Variants in TMC3 observed in about 807,000 individuals in gnomAD.
The protein encoded by TMC3 is transmembrane channel-like protein 3.
A neutral mutation model predicts 110.6 loss-of-function variants in TMC3; 98 were observed. That is an observed-to-expected ratio of 0.89 (90% CI 0.75 to 1.05). The LOEUF (loss-of-function observed/expected upper bound fraction) is 1.05. TMC3 is among the 50% of genes least tolerant of loss of function. The probability of loss-of-function intolerance (pLI) is 0.00; values close to 1 mark genes in which losing one functional copy is unlikely to be tolerated. For synonymous variants in TMC3, 489 were observed against 513.1 expected (o/e 0.95, Z 0.63); for missense variants, 1,319 against 1,373.2 (o/e 0.96, Z 0.62).
intron 9 of TMC3, among the ~76,000 whole-genome samples, chr15:81,354,925 A>G (rs1894027250): frequency 6.6e-6 from 1 of 152,086 alleles, no homozygotes; most frequent in Non-Finnish European, 1.5e-5. Flanking sequence ...AGATGGCAGA[A>G]TCCCATACTT....
In TMC3 at chr15:81,349,852, AC is replaced by A. The variant is rs1221775473; in HGVS notation, c.1084-286del. Among the ~76,000 whole-genome samples, 9 of 143,890 alleles carry A rather than the reference AC, an allele frequency of 6.3e-5. No individual in the cohort carries two copies. In the South Asian group the frequency reaches 1.1e-3, roughly 17 times the overall value. The allele number at this position is 143,890 out of a possible 152,430, so 94.4% of individuals were successfully genotyped here. Reference sequence around the variant, plus strand: ...CACTAGGCCAGGTGCTGTGGCTCACACCTGTAATCCCAACACTTTGGGAGGC... The same window carrying A: ...CACTAGGCCAGGTGCTGTGGCTCACACTGTAATCCCAACACTTTGGGAGGC... On this transcript the variant is annotated intron_variant, in intron 10 of 21. Coordinates refer to ENST00000359440, the MANE Select transcript of TMC3 (RefSeq NM_001080532.3).
chr15:81,358,011 A>C, intron 7 of TMC3, 138 bp downstream of exon 7: 1 of 1,096,550 alleles, frequency 9.1e-7, no homozygotes, highest in Non-Finnish European at 1.3e-6. Flanking sequence ...GACATTACAC[A>C]TATCATAACA....
intron 9 of TMC3, 37 bp from the exon 10 acceptor site, chr15:81,351,878 G>A: frequency 6.2e-7 from 1 of 1,606,022 alleles, no homozygotes; most frequent in Non-Finnish European, 8.5e-7. Context: ...GGTACACAGG[G>A]TCCTGCTCAC....
intron 11 of TMC3, 37 bp from the exon 12 acceptor site, chr15:81,346,480 T>G (rs1226731114): frequency 6.3e-7 from 1 of 1,598,724 alleles, no homozygotes. Context: ...AACAAGACCA[T>G]GGCATAGAAG....
At position 81,372,751 on chromosome 15, in the gene TMC3, G is replaced by A. The variant is rs1472445796; in HGVS notation, c.90-14C>T. 1.9e-6 allele frequency: 3 copies of A among 1,613,050 alleles called. No individual in the cohort carries two copies. The highest frequency in any genetic ancestry group is 2.5e-6 in the Non-Finnish European group (3 of 1,179,364). ...TCATCCAAGTTGCTGAATGATCAGG[G>A]CATTAAGGAGGAAATCTGATTAGAA... On this transcript the variant is annotated splice_polypyrimidine_tract_variant and intron_variant, in intron 1 of 21. Transcript: ENST00000359440.
chr15:81,338,927 TG>T, intron 17 of TMC3, 147 bp from the exon 18 acceptor site: 1 of 863,008 alleles, frequency 1.2e-6, no homozygotes, highest in South Asian at 1.6e-5. Flanking sequence ...GGATGGAAGA[TG>T]GGGTCATTAA....
chr15:81,351,713 G>A lies in TMC3; in HGVS notation c.1064C>T (p.Thr355Ile). ...GGGTACCTCATTCTTTTCCCAAAGTGTCAGCTCCTTCTTCGACTGCTCCAG... is the reference window on the plus strand; with the variant it reads ...GGGTACCTCATTCTTTTCCCAAAGTATCAGCTCCTTCTTCGACTGCTCCAG... Reference protein sequence around the residue: ...QKLEQSKKELTLWEKNEVSVV... With the variant: ...QKLEQSKKELILWEKNEVSVV... The change falls in exon 10 of 22, where the codon ACA (threonine) becomes ATA (isoleucine). Residue 355 changes from threonine (T) to isoleucine (I), a missense_variant. Coordinates refer to ENST00000359440, the MANE Select transcript of TMC3 (RefSeq NM_001080532.3). 6.4e-7 allele frequency: 1 copy of A among 1,557,176 alleles called. No individual in the cohort carries two copies. Among genetic ancestry groups the A allele is most frequent in the African/African-American group, 1.4e-5 (1 of 73,390 alleles).
chr15:81,367,431 T>C (rs1411310092), intron 3 of TMC3, among the ~76,000 whole-genome samples: 1 of 151,980 alleles, frequency 6.6e-6, no homozygotes, highest in East Asian at 1.9e-4. Context: ...AAGTAGGGGG[T>C]ATAGAAGGAG....
intron 16 of TMC3, among the ~76,000 whole-genome samples, chr15:81,339,711 A>T (rs1351357346): frequency 1.3e-5 from 2 of 152,164 alleles, no homozygotes; most frequent in African/African-American, 4.8e-5. Context: ...AACTTCAGAG[A>T]TCTCCCACCC....
intron 3 of TMC3, among the ~76,000 whole-genome samples, chr15:81,365,709 C>A (rs961390944): frequency 2.7e-5 from 4 of 149,574 alleles, no homozygotes; most frequent in South Asian, 2.1e-4. Flanking sequence ...AAGAAAAAAG[C>A]AAAATCAAAA....
rs753659897 is a variant in TMC3 at position 81,374,014 on chromosome 15, G to A, written c.64C>T (p.Leu22Phe). 4 of 1,613,814 alleles carry A rather than the reference G, an allele frequency of 2.5e-6. No individual in the cohort carries two copies. The highest frequency in any genetic ancestry group is 3.3e-5 in the Admixed American group (2 of 60,002). The change falls in exon 1 of 22, where the codon CTC (leucine) becomes TTC (phenylalanine). Residue 22 changes from leucine to phenylalanine, a missense_variant. By Grantham distance (22) the Leu-to-Phe change is conservative. Coordinates refer to ENST00000359440, the MANE Select transcript of TMC3 (RefSeq NM_001080532.3). ...CTGAGCAGCAGAGATTCCTGGTAGA[G>A]GTAGCACTGGCTGGCATTTCTCCGG... ...GIRRNASQCY[L>F]YQESLLLSNL...
intron 20 of TMC3, 30 bp from the exon 21 acceptor site, chr15:81,335,005 A>G (rs1466267705): frequency 1.2e-6 from 2 of 1,608,208 alleles, no homozygotes; most frequent in Admixed American, 1.7e-5. Flanking sequence ...TTGTGAGAAG[A>G]CAGGTGTCAC....
chr15:81,337,912 A>C lies in TMC3; in HGVS notation c.2094T>G (p.Tyr698Ter). ...GAGACCGTGCGATGCTCTGGAGATAATAGATGAGCATGCTAGGACAGAACA... is the reference window on the plus strand; with the variant it reads ...GAGACCGTGCGATGCTCTGGAGATACTAGATGAGCATGCTAGGACAGAACA... ...PAVLLLFMLI[Y>*]YLQSIARSLK... Residue 698 changes from tyrosine to a stop codon, truncating the protein, a stop_gained, in exon 19 of 22, where the codon TAT (tyrosine) becomes TAG (stop). Coordinates refer to ENST00000359440, the MANE Select transcript of TMC3 (RefSeq NM_001080532.3). LOFTEE classifies it high-confidence loss of function. 1 of 1,613,792 alleles carries C rather than the reference A, an allele frequency of 6.2e-7. No individual in the cohort carries two copies. The highest frequency in any genetic ancestry group is 8.5e-7 in the Non-Finnish European group (1 of 1,179,702).
At chr15:81,340,832 A>T (rs1296826866) in intron 16 of TMC3, among the ~76,000 whole-genome samples, 1 of 152,240 alleles carries the variant, frequency 6.6e-6, no homozygotes, top group African/African-American at 2.4e-5. Context: ...AGCAACCTAC[A>T]TGCCCGTCAA....
Position 81,344,794 on chromosome 15 carries a change from T to A in TMC3, c.1490A>T (p.Asp497Val). ...ACCAACGTATGTCTCCCAGCACTGG[T>A]CTTGTGGACTCTGAGTGTGGAGGCT... The part of the protein sequence containing the change: ...KTSLHTQSPQ[D>V]QCWETYVGQE... Residue 497 changes from aspartate (D) to valine (V), a missense_variant, in exon 13 of 22, where the codon GAC becomes GTC. Physicochemically the swap from Asp to Val is radical, Grantham distance 152. Transcript: ENST00000359440. The A allele has an allele frequency of 6.2e-7, 1 of 1,613,890 alleles. No homozygotes were observed. The highest frequency in any genetic ancestry group is 8.5e-7 in the Non-Finnish European group (1 of 1,179,878).
chr15:81,352,400 G>A (rs774637171), intron 9 of TMC3, among the ~76,000 whole-genome samples: 14 of 152,162 alleles, frequency 9.2e-5, no homozygotes, highest in Non-Finnish European at 1.3e-4. Context: ...TATGGCCTAG[G>A]ACATTGTAGC....
rs1482617589 is a variant in TMC3, at chr15:81,344,759, G to T, written c.1518+7C>A. ...TGACAGAGCTTTGTAAGGGTAAAGA[G>T]AACCACCTGACCAACGTATGTCTCC... is the stretch of plus-strand genomic sequence containing the variant. On this transcript the variant is annotated splice_region_variant and intron_variant, in intron 13 of 21. Transcript: ENST00000359440. 7 of 1,613,366 alleles carry T rather than the reference G, an allele frequency of 4.3e-6. No homozygotes were observed. The South Asian group carries it at 7.7e-5, about 18-fold the overall frequency.
chr15:81,368,223 G>C (rs777436390), intron 3 of TMC3, 30 bp downstream of exon 3: 73 of 1,580,226 alleles, frequency 4.6e-5, no homozygotes, highest in Non-Finnish European at 6.0e-5. Flanking sequence ...GTGAGCCACC[G>C]CGCCCAGCCA....
At chr15:81,370,277 C>G (rs1251301881) in intron 2 of TMC3, among the ~76,000 whole-genome samples, 1 of 152,214 alleles carries the variant, frequency 6.6e-6, no homozygotes, top group Non-Finnish European at 1.5e-5. Context: ...GTCAGGGTTC[C>G]GTGCTTTTTG....
Sources: allele counts gnomAD v4.1 joint callset (sites outside exome capture counted in the v4.1 genomes callset), GRCh38; gene constraint gnomAD v4.1.1; transcripts MANE v1.5; gene names NCBI Gene and HGNC (gene_info 2026-07-23, HGNC 2026-07-21).